Variants in ARSJ observed in about 807,000 individuals in gnomAD.
The protein encoded by ARSJ is arylsulfatase J.
Under a neutral mutation model 35.9 loss-of-function variants are expected in ARSJ, and 26 were observed. That is an observed-to-expected ratio of 0.72 (90% CI 0.53 to 1.00). ARSJ has a LOEUF of 1.00. ARSJ is among the 50% of genes least tolerant of loss of function. The probability of loss-of-function intolerance (pLI) is 0.00; values close to 1 mark genes in which losing one functional copy is unlikely to be tolerated. For missense variants in ARSJ, 667 were observed against 723.6 expected, an observed-to-expected ratio of 0.92 and a Z score of 0.90; for synonymous variants, 294 against 267.6, an observed-to-expected ratio of 1.10 and a Z score of -0.96.
chr4:113,929,925 G>C (rs146197378), intron 1 of ARSJ, among the ~76,000 whole-genome samples: 2 of 151,974 alleles, frequency 1.3e-5, no homozygotes, highest in Non-Finnish European at 2.9e-5. Context: ...AGTGAATCAG[G>C]GTGTCAAATG....
intron 1 of ARSJ, among the ~76,000 whole-genome samples, chr4:113,911,227 A>G (rs1161885786): frequency 6.6e-6 from 1 of 152,154 alleles, no homozygotes; most frequent in East Asian, 1.9e-4. Context: ...ATATAAGGGG[A>G]GAGATTCAGA....
rs942536985 is a variant in ARSJ at position 113,978,668 on chromosome 4, C to G, written c.167G>C (p.Gly56Ala). Residue 56 changes from glycine to alanine, a missense_variant, in exon 1 of 2, where the codon GGG (glycine) becomes GCG (alanine). Physicochemically the swap from Gly to Ala is moderately conservative, Grantham distance 60. Coordinates refer to ENST00000315366, the MANE Select transcript of ARSJ (RefSeq NM_024590.4). ...CTCTCCAGCTTGAGCTAGTAAGGCC[C>G]CTTCTTCCTCCTCTTCTAAGGCCTG... is the stretch of plus-strand genomic sequence containing the variant. ...WGQALEEEEE[G>A]ALLAQAGEKL... is the part of the protein sequence containing the mutation. 1 of 1,614,092 alleles carries G rather than the reference C, an allele frequency of 6.2e-7. No homozygotes were observed. Among genetic ancestry groups the G allele is most frequent in the African/African-American group, 1.3e-5 (1 of 74,928 alleles).
At chr4:113,970,564 A>G (rs1469721740) in intron 1 of ARSJ, 2 of 152,338 alleles carry the variant, frequency 1.3e-5, no homozygotes, top group African/African-American at 4.8e-5. Context: ...TTCTTTTCCT[A>G]TTCTTTGGTA....
In ARSJ at chr4:113,902,531, T is replaced by A; in HGVS notation, c.1543A>T (p.Ile515Phe). Reference protein sequence around the residue: ...RVDLSNRYPGIVKKLLRRLSQ... With the variant: ...RVDLSNRYPGFVKKLLRRLSQ... ...AGCCTCCGTAGGAGCTTCTTCACGA[T>A]TCCTGGATACCTGTTAGATAGGTCC... The change falls in exon 2 of 2, where the codon ATC (isoleucine) becomes TTC (phenylalanine). Residue 515 changes from isoleucine (I) to phenylalanine (F), a missense_variant. Ile to Phe is a conservative substitution (Grantham distance 21, BLOSUM62 0). Coordinates refer to ENST00000315366, the MANE Select transcript of ARSJ (RefSeq NM_024590.4). The A allele has an allele frequency of 1.2e-6, 2 of 1,614,166 alleles. No individual in the cohort carries two copies. The highest frequency in any genetic ancestry group is 2.2e-5 in the East Asian group (1 of 44,868).
At chr4:113,933,215 A>G (rs1724564995) in intron 1 of ARSJ, among the ~76,000 whole-genome samples, 1 of 151,910 alleles carries the variant, frequency 6.6e-6, no homozygotes. Context: ...CTGTAATAAA[A>G]TGTCTCTGAT....
intron 1 of ARSJ, among the ~76,000 whole-genome samples, chr4:113,957,627 C>A (rs1332299096): frequency 1.3e-5 from 2 of 152,036 alleles, no homozygotes; most frequent in Non-Finnish European, 2.9e-5. Flanking sequence ...ACCAAAATCA[C>A]AAATGCACAA....
chr4:113,941,144 G>T (rs1394018064), intron 1 of ARSJ, among the ~76,000 whole-genome samples: 1 of 151,980 alleles, frequency 6.6e-6, no homozygotes, highest in African/African-American at 2.4e-5. Flanking sequence ...GAGGGTGAAT[G>T]AGTTCTTTCT....
At position 113,900,479 on chromosome 4, in the gene ARSJ, A is replaced by G. The variant is rs966883761; in HGVS notation, c.*1795T>C. 20 of 152,310 alleles carry G rather than the reference A, an allele frequency of 1.3e-4. 1 individual carries two copies. Among genetic ancestry groups the G allele is most frequent in the Admixed American group, 1.2e-3 (19 of 15,292 alleles). 9.4% of individuals were successfully genotyped at this position (152,310 alleles called of 1,614,324 possible). A position where few individuals can be genotyped will look rare whatever the true frequency, so the allele number is the denominator to read the frequency against. ...TCAGTACTAGATTATAGATTCTTTT[A>G]TACATTTTCAGAAACTGTGAGCTGT... On this transcript the variant is annotated 3_prime_UTR_variant, in exon 2 of 2. Transcript: ENST00000315366.
chr4:113,960,191 C>G (rs984160028), intron 1 of ARSJ, among the ~76,000 whole-genome samples: 2 of 152,026 alleles, frequency 1.3e-5, no homozygotes, highest in African/African-American at 4.8e-5. Context: ...TTGTAGTGGG[C>G]ATTTTACAAA....
rs191481639 is a variant in ARSJ, at chr4:113,914,164, G to A, written c.399-10489C>T. On this transcript the variant is annotated intron_variant, in intron 1 of 1. Transcript: ENST00000315366. The stretch of plus-strand genomic sequence containing the variant: ...AATTTTTGTATTTTTATTACAGACC[G>A]GGTTTCACTATGTTGGCCAGGCTGG... Among the ~76,000 whole-genome samples, 7 of 151,954 alleles carry A rather than the reference G, an allele frequency of 4.6e-5. No individual in the cohort carries two copies. The South Asian group carries it at 6.2e-4, about 14-fold the overall frequency.
intron 1 of ARSJ, among the ~76,000 whole-genome samples, chr4:113,916,046 G>A (rs1019070089): frequency 2.0e-5 from 3 of 152,164 alleles, no homozygotes; most frequent in African/African-American, 7.2e-5. Flanking sequence ...GCCCCTTATG[G>A]TCAGGGTTGA....
At chr4:113,939,572 G>A (rs990443530) in intron 1 of ARSJ, among the ~76,000 whole-genome samples, 2 of 152,040 alleles carry the variant, frequency 1.3e-5, no homozygotes, top group African/African-American at 2.4e-5. Context: ...TCCAGCACCC[G>A]TTGTTTCCTG....
intron 1 of ARSJ, among the ~76,000 whole-genome samples, chr4:113,920,280 A>C (rs1462752718): frequency 1.3e-5 from 2 of 152,222 alleles, no homozygotes. Flanking sequence ...GAAAAGCAGC[A>C]GTAGGTAATA....
chr4:113,975,957 A>G lies in ARSJ; in HGVS notation c.398+2480T>C, dbSNP rs140869349. ...TGCACACTACAACTTGAGAACTACT[A>G]TCCAGAGATTAGGGCTCACTTCTTG... On this transcript the variant is annotated intron_variant, in intron 1 of 1. Transcript: ENST00000315366. Among the ~76,000 whole-genome samples, 422 of 152,256 alleles carry G rather than the reference A, an allele frequency of 2.8e-3. 4 individuals carry two copies. Among genetic ancestry groups the G allele is most frequent in the African/African-American group, 9.9e-3 (410 of 41,574 alleles).
intron 1 of ARSJ, among the ~76,000 whole-genome samples, chr4:113,935,210 A>C (rs1235659748): frequency 6.6e-6 from 1 of 151,916 alleles, no homozygotes; most frequent in Non-Finnish European, 1.5e-5. Flanking sequence ...ATAATCAGAG[A>C]AGGTGCTGTC....
chr4:113,927,773 A>G (rs1201034031), intron 1 of ARSJ, among the ~76,000 whole-genome samples: 2 of 152,078 alleles, frequency 1.3e-5, no homozygotes, highest in Non-Finnish European at 2.9e-5. Flanking sequence ...GGCCAAATGG[A>G]AGAGTTGAAT....
chr4:113,946,774 T>G (rs1161691354), intron 1 of ARSJ, among the ~76,000 whole-genome samples: 1 of 152,130 alleles, frequency 6.6e-6, no homozygotes, highest in Non-Finnish European at 1.5e-5. Flanking sequence ...AGCCGTTCCA[T>G]GAGGAAACAA....
chr4:113,926,923 G>C (rs1168378120), intron 1 of ARSJ, among the ~76,000 whole-genome samples: 1 of 152,144 alleles, frequency 6.6e-6, no homozygotes, highest in Non-Finnish European at 1.5e-5. Flanking sequence ...ATGGGAGCCT[G>C]CCAAAGGCTC....
intron 1 of ARSJ, among the ~76,000 whole-genome samples, chr4:113,972,318 A>C (rs889057339): frequency 4.3e-4 from 63 of 145,682 alleles, no homozygotes; most frequent in African/African-American, 1.6e-3. Context: ...AAAAAAAAAA[A>C]CCCCACCATG....
Sources: gnomAD v4.1 joint callset for allele counts (sites outside exome capture counted in the v4.1 genomes callset) on GRCh38, gnomAD v4.1.1 for gene constraint, MANE v1.5 for transcripts, NCBI Gene and HGNC (gene_info 2026-07-23, HGNC 2026-07-21) for gene names.